The following ITIH1 variants were observed in gnomAD, a reference collection of about 807,000 sequenced individuals.
ITIH1 encodes the protein inter-alpha-trypsin inhibitor heavy chain H1.
In ITIH1, 94 loss-of-function variants were observed where a neutral mutation model predicts 104.6. That is an observed-to-expected ratio of 0.90 (90% CI 0.76 to 1.07). The LOEUF (loss-of-function observed/expected upper bound fraction) is 1.07. Ranked by LOEUF, ITIH1 falls within the 50% of genes least tolerant of loss-of-function variation. The probability of loss-of-function intolerance (pLI) is 0.00; values close to 1 mark genes in which losing one functional copy is unlikely to be tolerated. For missense variants in ITIH1, 1,193 were observed against 1,181.4 expected (o/e 1.01, Z -0.14); for synonymous variants, 455 against 464.4 (o/e 0.98, Z 0.26).
chr3:52,780,121 G>C (rs974396403), intron 5 of ITIH1, 148 bp from the exon 6 acceptor site: 2 of 907,888 alleles, frequency 2.2e-6, no homozygotes, highest in Non-Finnish European at 1.6e-6. Flanking sequence ...TAGAGAATTT[G>C]CTTCAGTGTG....
In ITIH1 at chr3:52,785,230, G is replaced by A. The variant is rs746886917; in HGVS notation, c.1593+1G>A. 17 of 1,613,716 alleles carry A rather than the reference G, an allele frequency of 1.1e-5. No individual in the cohort carries two copies. Among genetic ancestry groups the A allele is most frequent in the Middle Eastern group, 1.7e-4 (1 of 5,990 alleles). ...CAAGGCTGATGTGCAGGCCCATGGG[G>A]TAAATGGTGGGCCATGGAGGGTGGA... is the stretch of plus-strand genomic sequence containing the variant. On this transcript the variant is annotated splice_donor_variant, in intron 12 of 21. Transcript: ENST00000273283. LOFTEE classifies it high-confidence loss of function.
At chr3:52,787,862 T>C (rs1232235892) in intron 16 of ITIH1, 124 bp from the exon 17 acceptor site, 9 of 1,006,450 alleles carry the variant, frequency 8.9e-6, no homozygotes, top group Non-Finnish European at 1.4e-5. Flanking sequence ...TGATGTTGAG[T>C]GGACATCCCT....
Position 52,792,013 on chromosome 3 carries a change from TCCTTGTGTCAAAGCA to T in ITIH1, c.*106_*120del. ...GCTGTACCTCCTTGACTAAGCTGGT[TCCTTGTGTCAAAGCA>T]CCTCATGCCTTCCATTAAAGAGAGG... On this transcript the variant is annotated 3_prime_UTR_variant, in exon 22 of 22. Coordinates refer to ENST00000273283, the MANE Select transcript of ITIH1 (RefSeq NM_002215.4). 7.5e-7 allele frequency: 1 copy of T among 1,335,428 alleles called. No homozygotes were observed. The highest frequency in any genetic ancestry group is 1.0e-6 in the Non-Finnish European group (1 of 974,752). The allele number at this position is 1,335,428 out of a possible 1,614,324, so 82.7% of individuals were successfully genotyped here.
chr3:52,779,778 C>A lies in ITIH1; in HGVS notation c.573+184C>A. On this transcript the variant is annotated intron_variant, in intron 5 of 21. Transcript: ENST00000273283. The surrounding 1 kb of genome is among the most constrained non-coding windows in gnomAD (Gnocchi z 4.4). ...GGGAACTCCCTGAATTCTCTAACTT[C>A]CTCTTTATCTCTGAGCTTCGGTTTG... is the stretch of plus-strand genomic sequence containing the variant. The A allele has an allele frequency of 9.6e-7, 1 of 1,041,870 alleles. No homozygotes were observed. The highest frequency in any genetic ancestry group is 1.4e-6 in the Non-Finnish European group (1 of 727,838). 64.5% of individuals were successfully genotyped at this position (1,041,870 alleles called of 1,614,324 possible).
rs949879909 is a variant in ITIH1, at chr3:52,784,192, T to G, written c.1226-104T>G. ...GATGCCCAGGAGCCTGGAGATGCTC[T>G]GAGATGGAAGGCTTGAGCCCCAGGG... On this transcript the variant is annotated intron_variant, in intron 10 of 21. Coordinates refer to ENST00000273283, the MANE Select transcript of ITIH1 (RefSeq NM_002215.4). 9.9e-6 allele frequency: 10 copies of G among 1,014,516 alleles called. No homozygotes were observed. The Middle Eastern group carries it at 1.8e-3, about 182-fold the overall frequency. 62.8% of individuals were successfully genotyped at this position (1,014,516 alleles called of 1,614,324 possible). A position where few individuals can be genotyped will look rare whatever the true frequency, so the allele number is the denominator to read the frequency against.
rs748665108 is a variant in ITIH1, at chr3:52,791,754, T to C, written c.2607-28T>C. ...GGTGCTGCCCTACTGGTCCGAAGGGTGACCCCAGCTGACTTGTCTCTGCAC... is the reference window on the plus strand; with the variant it reads ...GGTGCTGCCCTACTGGTCCGAAGGGCGACCCCAGCTGACTTGTCTCTGCAC... On this transcript the variant is annotated intron_variant, in intron 21 of 21. Transcript: ENST00000273283. 40 of 1,607,130 alleles carry C rather than the reference T, an allele frequency of 2.5e-5. No individual in the cohort carries two copies. In the South Asian group the frequency reaches 4.4e-4, roughly 18 times the overall value.
Position 52,783,298 on chromosome 3 carries a change from C to T in ITIH1, c.1184C>T (p.Ala395Val). 2 of 1,614,070 alleles carry T rather than the reference C, an allele frequency of 1.2e-6. No homozygotes were observed. Among genetic ancestry groups the T allele is most frequent in the Non-Finnish European group, 1.7e-6 (2 of 1,180,010 alleles). The change falls in exon 10 of 22, where the codon GCC becomes GTC. Residue 395 changes from alanine (A) to valine (V), a missense_variant. Transcript: ENST00000273283. Reference protein sequence around the residue: ...QESLPELSNHASILIMLTDGD... With the variant: ...QESLPELSNHVSILIMLTDGD... Reference sequence around the variant, plus strand: ...AGCCTCCCAGAACTCAGCAACCATGCCTCAATACTCATCATGTTGACAGAT... The same window carrying T: ...AGCCTCCCAGAACTCAGCAACCATGTCTCAATACTCATCATGTTGACAGAT...
chr3:52,779,269 C>T lies in ITIH1; in HGVS notation c.411-163C>T, dbSNP rs566070274. Among the ~76,000 whole-genome samples the T allele has an allele frequency of 2.6e-5, 4 of 152,340 alleles. No individual in the cohort carries two copies. The highest frequency in any genetic ancestry group is 2.1e-4 in the South Asian group (1 of 4,832). On this transcript the variant is annotated intron_variant, in intron 4 of 21. Coordinates refer to ENST00000273283, the MANE Select transcript of ITIH1 (RefSeq NM_002215.4). This position sits in a 1 kb window ranked among gnomAD's most constrained non-coding sequence, Gnocchi z 4.4. ...GAAGTGGGCCCCCGCCATCTTGGGC[C>T]CTGACCCTGACCAGCCAGCTAACAC... is the stretch of plus-strand genomic sequence containing the variant.
At chr3:52,786,839 CGAATGAATGAATGAAT>C (rs36051478) in intron 13 of ITIH1, 90 bp from the exon 14 acceptor site, 23 of 1,174,750 alleles carry the variant, frequency 2.0e-5, no homozygotes, top group Middle Eastern at 2.6e-4. Context: ...ACTTATGTGT[CGAATGAATGAATGAAT>C]GAATGAATGA....
rs1699362748 is a variant in ITIH1 at position 52,791,796 on chromosome 3, A to G, written c.2621A>G (p.Asp874Gly). The stretch of plus-strand genomic sequence containing the variant: ...TCTCTGCACAGGGGTTTGCAAAAAG[A>G]CTACAGCAAGGACCCGTGGCATGGG... ...RLTVTRGLQK[D>G]YSKDPWHGAE... The change falls in exon 22 of 22, where the codon GAC becomes GGC. Residue 874 changes from aspartate to glycine, a missense_variant. Asp to Gly is a moderately conservative substitution (Grantham distance 94). Transcript: ENST00000273283. 2 of 1,613,360 alleles carry G rather than the reference A, an allele frequency of 1.2e-6. No individual in the cohort carries two copies. Among genetic ancestry groups the G allele is most frequent in the South Asian group, 2.2e-5 (2 of 90,954 alleles).
chr3:52,780,820 G>A (rs1460088544), intron 6 of ITIH1, among the ~76,000 whole-genome samples: 1 of 152,218 alleles, frequency 6.6e-6, no homozygotes, highest in South Asian at 2.1e-4. Flanking sequence ...CCTACCCAAC[G>A]ACTTGTCGCT....
chr3:52,788,385 CT>C, intron 18 of ITIH1, 40 bp downstream of exon 18: 1 of 1,258,290 alleles, frequency 7.9e-7, no homozygotes. Flanking sequence ...AGGGCCAGGG[CT>C]CCTCTGCCCT....
rs1305196974 is a variant in ITIH1 at position 52,790,780 on chromosome 3, C to A, written c.2353C>A (p.Leu785Met). 3 of 1,613,050 alleles carry A rather than the reference C, an allele frequency of 1.9e-6. No homozygotes were observed. Among genetic ancestry groups the A allele is most frequent in the Non-Finnish European group, 2.5e-6 (3 of 1,179,620 alleles). The change falls in exon 20 of 22, where the codon CTG becomes ATG. Residue 785 changes from leucine to methionine, a missense_variant. Coordinates refer to ENST00000273283, the MANE Select transcript of ITIH1 (RefSeq NM_002215.4). ...GGTGACCATCAACAAGAAGAGGAACCTGGTGGTGTCTGTGGACGACGGTGG... is the reference window on the plus strand; with the variant it reads ...GGTGACCATCAACAAGAAGAGGAACATGGTGGTGTCTGTGGACGACGGTGG... ...VVVTINKKRN[L>M]VVSVDDGGTF...
chr3:52,790,995 C>A, intron 20 of ITIH1, 74 bp downstream of exon 20: 2 of 1,460,180 alleles, frequency 1.4e-6, no homozygotes, highest in South Asian at 1.4e-5. Context: ...CTGGGGCCAC[C>A]GGTCAGTTCT....
chr3:52,781,134 A>G (rs1167937367), intron 6 of ITIH1, among the ~76,000 whole-genome samples: 2 of 151,420 alleles, frequency 1.3e-5, no homozygotes, highest in Non-Finnish European at 2.9e-5. Context: ...GACTTTTTCA[A>G]GGTTCTATTT....
rs756147482 is a variant in ITIH1 at position 52,784,370 on chromosome 3, G to C, written c.1300G>C (p.Gly434Arg). 6.2e-7 allele frequency: 1 copy of C among 1,614,152 alleles called. No individual in the cohort carries two copies. Among genetic ancestry groups the C allele is most frequent in the South Asian group, 1.1e-5 (1 of 91,086 alleles). The change falls in exon 11 of 22, where the codon GGT becomes CGT. Residue 434 changes from glycine (G) to arginine (R), a missense_variant. Gly to Arg is a moderately radical substitution (Grantham distance 125). Coordinates refer to ENST00000273283, the MANE Select transcript of ITIH1 (RefSeq NM_002215.4). ...GGGCAGGTTCCCGCTCTACAACCTG[G>C]GTTTCGGCCACAATGTGGACTTTAA... ...IRGRFPLYNL[G>R]FGHNVDFNFL...
intron 6 of ITIH1, 127 bp from the exon 7 acceptor site, chr3:52,781,812 AC>A: frequency 8.2e-7 from 1 of 1,215,012 alleles, no homozygotes; most frequent in Admixed American, 2.0e-5. Context: ...TGAGTGGCCC[AC>A]CGAACTCGTT....
Position 52,791,579 on chromosome 3 carries a change from A to T in ITIH1, c.2557A>T (p.Lys853Ter). 1 of 1,614,096 alleles carries T rather than the reference A, an allele frequency of 6.2e-7. No homozygotes were observed. Among genetic ancestry groups the T allele is most frequent in the Non-Finnish European group, 8.5e-7 (1 of 1,180,010 alleles). The change falls in exon 21 of 22, where the codon AAG becomes TAG. Residue 853 changes from lysine (K) to a stop codon, truncating the protein, a stop_gained. Coordinates refer to ENST00000273283, the MANE Select transcript of ITIH1 (RefSeq NM_002215.4). LOFTEE classifies it low-confidence loss of function (END_TRUNC). ...CATCCACCCAGGCTCTGACCCCACA[A>T]AGCCAGATGCCACGATGGTGGTGAG... ...SDIHPGSDPT[K>*]PDATMVVRNR...
rs963905752 is a variant in ITIH1 at position 52,786,143 on chromosome 3, G to A, written c.1594-152G>A. ...CAGAGGGTGCTTGGCAAGAATCAAC[G>A]AATAGGATGAGGCGAACAGGCTCAG... On this transcript the variant is annotated intron_variant, in intron 12 of 21. Transcript: ENST00000273283. 6.7e-5 allele frequency: 51 copies of A among 755,668 alleles called. 1 individual carries two copies. The East Asian group carries it at 8.3e-4, about 12-fold the overall frequency. 46.8% of individuals were successfully genotyped at this position (755,668 alleles called of 1,614,324 possible).
Sources: allele counts gnomAD v4.1 joint callset (sites outside exome capture counted in the v4.1 genomes callset), GRCh38; gene constraint gnomAD v4.1.1; non-coding constraint Gnocchi (gnomAD v3.1); transcripts MANE v1.5; gene names NCBI Gene and HGNC (gene_info 2026-07-23, HGNC 2026-07-21).